CTNND2: variants seen among roughly 807,000 people sequenced by gnomAD.
CTNND2 encodes the protein catenin delta-2.
Under a neutral mutation model 144.4 loss-of-function variants are expected in CTNND2, and 22 were observed. The observed-to-expected ratio is 0.15, with a 90% CI of 0.11 to 0.22. CTNND2 has a LOEUF of 0.22. CTNND2 is among the 10% of genes least tolerant of loss of function. The pLI is 1.00. For missense variants in CTNND2, 1,353 were observed against 1,618.8 expected, an observed-to-expected ratio of 0.84 and a Z score of 2.82; for synonymous variants, 751 against 695.6, an observed-to-expected ratio of 1.08 and a Z score of -1.25.
intron 3 of CTNND2, among the ~76,000 whole-genome samples, chr5:11,517,949 G>A (rs1487679954): frequency 2.0e-5 from 3 of 152,280 alleles, no homozygotes; most frequent in South Asian, 2.1e-4. Flanking sequence ...GCAGGATTAC[G>A]TTTATATGTG....
rs553672139 is a variant in CTNND2 at position 11,690,704 on chromosome 5, C to A, written c.174+41432G>T. On this transcript the variant is annotated intron_variant, in intron 2 of 21. Coordinates refer to ENST00000304623, the MANE Select transcript of CTNND2 (RefSeq NM_001332.4). ...TGAGCCGAGATTGCGCCACTGCAGT[C>A]CGCAGTCTGGCCTGGGCGACAGAGC... Among the ~76,000 whole-genome samples the A allele has an allele frequency of 1.3e-4, 18 of 138,808 alleles. No individual in the cohort carries two copies. In the East Asian group the frequency reaches 3.9e-3, roughly 30 times the overall value. The allele number at this position is 138,808 out of a possible 152,430, so 91.1% of individuals were successfully genotyped here.
At chr5:11,410,553 T>C (rs1209347501) in intron 5 of CTNND2, among the ~76,000 whole-genome samples, 1 of 152,172 alleles carries the variant, frequency 6.6e-6, no homozygotes, top group Non-Finnish European at 1.5e-5. Flanking sequence ...TAGTCTTTTG[T>C]GGAATTTTAT....
At chr5:11,564,862 C>A in intron 3 of CTNND2, 82 bp downstream of exon 3, 1 of 888,582 alleles carries the variant, frequency 1.1e-6, no homozygotes, top group Non-Finnish European at 1.8e-6. Flanking sequence ...ATTCCACCAC[C>A]GGGTTGGAAA....
At chr5:11,294,558 C>A (rs960561198) in intron 9 of CTNND2, among the ~76,000 whole-genome samples, 1 of 152,090 alleles carries the variant, frequency 6.6e-6, no homozygotes, top group African/African-American at 2.4e-5. Context: ...AACTTACATC[C>A]AACACTTTAA....
chr5:11,200,946 T>A (rs1737375490), intron 10 of CTNND2, among the ~76,000 whole-genome samples: 1 of 152,194 alleles, frequency 6.6e-6, no homozygotes, highest in Non-Finnish European at 1.5e-5. Context: ...CCCAAAGTGT[T>A]GGGATTACAG....
At chr5:11,789,514 C>A (rs1313076686) in intron 1 of CTNND2, among the ~76,000 whole-genome samples, 1 of 151,996 alleles carries the variant, frequency 6.6e-6, no homozygotes, top group Admixed American at 6.6e-5. Context: ...AATATATTTT[C>A]TATTATATTT....
At chr5:11,221,423 T>C (rs1057388361) in intron 10 of CTNND2, among the ~76,000 whole-genome samples, 22 of 152,200 alleles carry the variant, frequency 1.4e-4, no homozygotes, top group African/African-American at 4.8e-4. Context: ...TCTAAATCTT[T>C]AGATTTAGAA....
intron 16 of CTNND2, among the ~76,000 whole-genome samples, chr5:11,046,340 G>A (rs535860033): frequency 4.1e-4 from 63 of 152,280 alleles, no homozygotes; most frequent in Non-Finnish European, 8.5e-4. Context: ...GCCAAGGAAC[G>A]CCATCTATTG....
At chr5:11,822,118 T>C (rs186454818) in intron 1 of CTNND2, among the ~76,000 whole-genome samples, 1 of 152,306 alleles carries the variant, frequency 6.6e-6, no homozygotes, top group East Asian at 1.9e-4. Context: ...CTATCAAATA[T>C]AATGTCAATA....
intron 2 of CTNND2, among the ~76,000 whole-genome samples, chr5:11,575,917 T>C (rs1393027227): frequency 6.6e-6 from 1 of 152,112 alleles, no homozygotes; most frequent in Admixed American, 6.6e-5. Context: ...GTTCTTGGTG[T>C]TTATCCACTG....
At chr5:11,821,810 C>G (rs868643869) in intron 1 of CTNND2, among the ~76,000 whole-genome samples, 1 of 152,236 alleles carries the variant, frequency 6.6e-6, no homozygotes, top group African/African-American at 2.4e-5. Flanking sequence ...TTGAGAAAAA[C>G]TAAATCAATT....
At chr5:11,783,730 C>T (rs1166205890) in intron 1 of CTNND2, among the ~76,000 whole-genome samples, 1 of 152,142 alleles carries the variant, frequency 6.6e-6, no homozygotes, top group Non-Finnish European at 1.5e-5. Flanking sequence ...TGACTACTTT[C>T]CTCTTTCCCT....
intron 15 of CTNND2, among the ~76,000 whole-genome samples, chr5:11,091,231 GTCT>G (rs776822789): frequency 6.6e-6 from 1 of 151,834 alleles, no homozygotes; most frequent in Non-Finnish European, 1.5e-5. Context: ...AGCTTCTATT[GTCT>G]TCAAGTTCAC....
rs374784612 is a variant in CTNND2, at chr5:11,602,637, A to G, written c.175-37581T>C. On this transcript the variant is annotated intron_variant, in intron 2 of 21. Coordinates refer to ENST00000304623, the MANE Select transcript of CTNND2 (RefSeq NM_001332.4). ...ACAGCTTTGCTTTCTCTCTCTCTCTAGATATATGTAAAATATATATATTAT... is the reference window on the plus strand; with the variant it reads ...ACAGCTTTGCTTTCTCTCTCTCTCTGGATATATGTAAAATATATATATTAT... 2.4e-4 allele frequency among the ~76,000 whole-genome samples: 36 copies of G among 147,660 alleles called. No homozygotes were observed. The East Asian group carries it at 6.2e-3, about 26-fold the overall frequency.
At chr5:11,130,156 A>G (rs1170970274) in intron 12 of CTNND2, among the ~76,000 whole-genome samples, 2 of 152,152 alleles carry the variant, frequency 1.3e-5, no homozygotes, top group Non-Finnish European at 2.9e-5. Context: ...TGAGCTGCAG[A>G]GACAGAATGC....
chr5:11,463,671 T>G (rs1425280207), intron 3 of CTNND2, among the ~76,000 whole-genome samples: 7 of 150,272 alleles, frequency 4.7e-5, no homozygotes, highest in Admixed American at 4.6e-4. Flanking sequence ...AGAGCACACA[T>G]GGGGTGCTTC....
chr5:11,338,893 T>A (rs1753980254), intron 9 of CTNND2, among the ~76,000 whole-genome samples: 1 of 152,136 alleles, frequency 6.6e-6, no homozygotes, highest in South Asian at 2.1e-4. Context: ...TCTTCCCTCT[T>A]GGCTATGAGG....
At chr5:11,043,928 GA>G (rs1311337680) in intron 16 of CTNND2, among the ~76,000 whole-genome samples, 1 of 152,220 alleles carries the variant, frequency 6.6e-6, no homozygotes, top group Non-Finnish European at 1.5e-5. Flanking sequence ...TTTCTCTTCT[GA>G]AATTGCAATT....
intron 15 of CTNND2, among the ~76,000 whole-genome samples, chr5:11,094,308 T>C (rs1024759477): frequency 1.3e-5 from 2 of 152,166 alleles, no homozygotes; most frequent in African/African-American, 4.8e-5. Flanking sequence ...GGGCCAACTT[T>C]ATGACTCGCA....
Sources: gnomAD v4.1 joint callset for allele counts (sites outside exome capture counted in the v4.1 genomes callset) on GRCh38, gnomAD v4.1.1 for gene constraint, MANE v1.5 for transcripts, NCBI Gene and HGNC (gene_info 2026-07-23, HGNC 2026-07-21) for gene names.